MIGA2: variants seen among roughly 807,000 people sequenced by gnomAD.
The protein encoded by MIGA2 is family with sequence similarity 73, member B.
Under a neutral mutation model 69.9 loss-of-function variants are expected in MIGA2, and 36 were observed. The ratio of observed to expected loss-of-function variants is 0.52; its 90% CI spans 0.39 to 0.68. The LOEUF is 0.68. MIGA2 is among the 30% of genes least tolerant of loss of function. The probability of loss-of-function intolerance (pLI) is 0.00; values close to 1 mark genes in which losing one functional copy is unlikely to be tolerated. For missense variants in MIGA2, 660 were observed against 787.7 expected (o/e 0.84, Z 1.94); for synonymous variants, 333 against 349.2 (o/e 0.95, Z 0.52).
At chr9:129,046,262 G>A (rs906466166) in intron 3 of MIGA2, among the ~76,000 whole-genome samples, 6 of 152,102 alleles carry the variant, frequency 3.9e-5, no homozygotes, top group East Asian at 1.9e-4. Context: ...TCTGCACAGC[G>A]TTTAGCTTCT....
chr9:129,040,383 T>C (rs1844833093), intron 1 of MIGA2, 69 bp from the exon 2 acceptor site: 3 of 1,191,114 alleles, frequency 2.5e-6, no homozygotes, highest in Non-Finnish European at 3.3e-6. Context: ...ATGGACGCTC[T>C]TCTTGAGTGC....
intron 3 of MIGA2, among the ~76,000 whole-genome samples, chr9:129,047,665 G>A (rs912363978): frequency 8.0e-5 from 12 of 150,748 alleles, no homozygotes; most frequent in Admixed American, 1.3e-4. Flanking sequence ...CACCCACCTC[G>A]GCCTCCCAAA....
rs955300876 is a variant in MIGA2 at position 129,061,291 on chromosome 9, T to C, written c.955T>C (p.Tyr319His). The stretch of plus-strand genomic sequence containing the variant: ...CCCACTCTCCAGACCCGCCGCTGCC[T>C]ATGAGGAGGCCCTGCAGCTGGTGAA... ...PIPLSRPAAA[Y>H]EEALQLVKEG... is the part of the protein sequence containing the mutation. The change falls in exon 9 of 16, where the codon TAT (tyrosine) becomes CAT (histidine). Residue 319 changes from tyrosine to histidine, a missense_variant. This residue lies in a region of MIGA2 where 386 missense variants were observed against 402.0 expected (regional missense o/e 0.96). Transcript: ENST00000684074. This position sits in a 1 kb window ranked among gnomAD's most constrained non-coding sequence, Gnocchi z 5.0. 2 of 1,613,014 alleles carry C rather than the reference T, an allele frequency of 1.2e-6. No homozygotes were observed. The highest frequency in any genetic ancestry group is 2.7e-5 in the African/African-American group (2 of 74,884).
At chr9:129,065,414 C>T (rs918918021) in intron 11 of MIGA2, among the ~76,000 whole-genome samples, 11 of 151,672 alleles carry the variant, frequency 7.3e-5, no homozygotes, top group African/African-American at 1.7e-4. Context: ...GGTGCGATCT[C>T]GACCCACTGC....
intron 3 of MIGA2, among the ~76,000 whole-genome samples, chr9:129,043,164 AGCCTGGGT>A (rs1845011590): frequency 6.6e-6 from 1 of 151,864 alleles, no homozygotes; most frequent in Non-Finnish European, 1.5e-5. Context: ...ACTGCACTCC[AGCCTGGGT>A]GACAGAGCGA....
intron 9 of MIGA2, among the ~76,000 whole-genome samples, chr9:129,062,302 G>A (rs572728010): frequency 3.3e-4 from 50 of 151,706 alleles, no homozygotes; most frequent in African/African-American, 1.1e-3. Flanking sequence ...AGGCCAAGGC[G>A]GGCAGATCAC....
At position 129,068,035 on chromosome 9, in the gene MIGA2, G is replaced by A; in HGVS notation, c.1270-163G>A. The A allele has an allele frequency of 7.9e-7, 1 of 1,266,234 alleles. No homozygotes were observed. Among genetic ancestry groups the A allele is most frequent in the Non-Finnish European group, 1.1e-6 (1 of 888,590 alleles). 78.4% of individuals were successfully genotyped at this position (1,266,234 alleles called of 1,614,324 possible). A position where few individuals can be genotyped will look rare whatever the true frequency, so the allele number is the denominator to read the frequency against. On this transcript the variant is annotated intron_variant, in intron 12 of 15. Transcript: ENST00000684074. This position sits in a 1 kb window ranked among gnomAD's most constrained non-coding sequence, Gnocchi z 4.1. The stretch of plus-strand genomic sequence containing the variant: ...CTGCCCCAGGCCAAGGCAGAGGGAG[G>A]AATGGCCTCAGCTACACCCGTTGCA...
At position 129,059,224 on chromosome 9, in the gene MIGA2, A is replaced by C. The variant is rs761071373; in HGVS notation, c.746A>C (p.Glu249Ala). The C allele has an allele frequency of 6.2e-7, 1 of 1,605,478 alleles. No homozygotes were observed. Among genetic ancestry groups the C allele is most frequent in the Non-Finnish European group, 8.5e-7 (1 of 1,175,556 alleles). ...CTGCACCGTGCCTACCACCTGCAGG[A>C]GGAGTTCGGCTCCACCTTCCCCGCA... ...SLLHRAYHLQ[E>A]EFGSTFPADS... The change falls in exon 7 of 16, where the codon GAG becomes GCG. Residue 249 changes from glutamate (E) to alanine (A), a missense_variant. By Grantham distance (107) the Glu-to-Ala change is moderately radical. Coordinates refer to ENST00000684074, the MANE Select transcript of MIGA2 (RefSeq NM_001329990.2). The surrounding 1 kb of genome is among the most constrained non-coding windows in gnomAD (Gnocchi z 5.6).
Position 129,070,552 on chromosome 9 carries a change from T to A in MIGA2, c.*99T>A. On this transcript the variant is annotated 3_prime_UTR_variant, in exon 16 of 16. Transcript: ENST00000684074. ...GTGGCTGAGGGCCGTTGCCCCTGAC[T>A]TTGCCCCACCCCCATCATCTGGGAG... 7.6e-7 allele frequency: 1 copy of A among 1,317,328 alleles called. No individual in the cohort carries two copies. The highest frequency in any genetic ancestry group is 1.0e-6 in the Non-Finnish European group (1 of 989,518). 81.6% of individuals were successfully genotyped at this position (1,317,328 alleles called of 1,614,324 possible).
intron 6 of MIGA2, among the ~76,000 whole-genome samples, 173 bp downstream of exon 6, chr9:129,050,136 T>C (rs1361862466): frequency 2.6e-5 from 4 of 152,240 alleles, no homozygotes; most frequent in Admixed American, 2.0e-4. Flanking sequence ...CTCAGCACAA[T>C]GCCCGGCGCT....
chr9:129,050,091 G>A, intron 6 of MIGA2, 128 bp downstream of exon 6: 1 of 1,256,788 alleles, frequency 8.0e-7, no homozygotes, highest in South Asian at 1.5e-5. Flanking sequence ...CTATGAGGGT[G>A]TCTTGATGTG....
intron 2 of MIGA2, among the ~76,000 whole-genome samples, chr9:129,041,915 A>C (rs556163887): frequency 6.6e-6 from 1 of 152,200 alleles, no homozygotes; most frequent in South Asian, 2.1e-4. Flanking sequence ...TGTCACCTTG[A>C]GTATATGTCT....
chr9:129,040,799 C>T, intron 2 of MIGA2, 109 bp downstream of exon 2: 1 of 914,640 alleles, frequency 1.1e-6, no homozygotes. Context: ...TTTGCCAAAC[C>T]TCTGGTGTCT....
At chr9:129,039,215 GTGTGTTTTA>G (rs1399802077) in intron 1 of MIGA2, among the ~76,000 whole-genome samples, 12 of 139,804 alleles carry the variant, frequency 8.6e-5, no homozygotes, top group East Asian at 4.2e-4. Context: ...GTGTGTGTGT[GTGTGTTTTA>G]TTTTATTTTA....
intron 6 of MIGA2, among the ~76,000 whole-genome samples, chr9:129,055,917 G>A (rs902057678): frequency 6.6e-6 from 1 of 151,760 alleles, no homozygotes; most frequent in African/African-American, 2.4e-5. Context: ...AGGAGACCAA[G>A]GTGGGAGGAT....
rs1442474419 is a variant in MIGA2 at position 129,069,822 on chromosome 9, G to A, written c.1459-27G>A. On this transcript the variant is annotated intron_variant, in intron 14 of 15. Coordinates refer to ENST00000684074, the MANE Select transcript of MIGA2 (RefSeq NM_001329990.2). The surrounding 1 kb of genome is among the most constrained non-coding windows in gnomAD (Gnocchi z 4.9). The stretch of plus-strand genomic sequence containing the variant: ...CCCTCATCCTACCTGGGCCCCGCCT[G>A]GCCCCTCAGCCTTGTGCCCACCGCA... The A allele has an allele frequency of 1.3e-6, 2 of 1,547,440 alleles. No homozygotes were observed. Among genetic ancestry groups the A allele is most frequent in the East Asian group, 2.2e-5 (1 of 44,576 alleles).
At position 129,070,384 on chromosome 9, in the gene MIGA2, C is replaced by T. The variant is rs375061896; in HGVS notation, c.1713C>T (p.Pro571=). The T allele has an allele frequency of 1.7e-5, 28 of 1,612,032 alleles. No individual in the cohort carries two copies. The highest frequency in any genetic ancestry group is 1.2e-4 in the South Asian group (11 of 90,964). ...TATTGCTGGGGTACCTGGGGGTGCC[C>T]GCGGCCAGCAGCGCAGGCGTGAATG... ...SEILLGYLGV[P]AASSAGVNGA... The change falls in exon 16 of 16, where the codon CCC becomes CCT. Residue 571 remains proline, a synonymous_variant. Transcript: ENST00000684074.
intron 6 of MIGA2, among the ~76,000 whole-genome samples, chr9:129,053,191 G>A (rs759629815): frequency 7.9e-5 from 12 of 152,092 alleles, no homozygotes; most frequent in Non-Finnish European, 1.3e-4. Flanking sequence ...CTGTGGGGGC[G>A]CCAGCACCAG....
At position 129,068,304 on chromosome 9, in the gene MIGA2, G is replaced by A. The variant is rs143715379; in HGVS notation, c.1376G>A (p.Arg459His). Residue 459 changes from arginine to histidine, a missense_variant, in exon 13 of 16, where the codon CGC becomes CAC. Coordinates refer to ENST00000684074, the MANE Select transcript of MIGA2 (RefSeq NM_001329990.2). The surrounding 1 kb of genome is among the most constrained non-coding windows in gnomAD (Gnocchi z 4.1). ...PASVLAVLRN[R>H]WLSDSFKETA... Reference sequence around the variant, plus strand: ...TCGGTGCTCGCCGTCCTGCGGAACCGCTGGCTGTCAGACAGCTTCAAGGAG... The same window carrying A: ...TCGGTGCTCGCCGTCCTGCGGAACCACTGGCTGTCAGACAGCTTCAAGGAG... The A allele has an allele frequency of 5.0e-6, 8 of 1,608,090 alleles. No homozygotes were observed. The highest frequency in any genetic ancestry group is 2.2e-5 in the East Asian group (1 of 44,804).
Sources: allele counts gnomAD v4.1 joint callset (sites outside exome capture counted in the v4.1 genomes callset), GRCh38; gene constraint gnomAD v4.1.1; regional missense constraint gnomAD v4.1.1; non-coding constraint Gnocchi (gnomAD v3.1); transcripts MANE v1.5; gene names NCBI Gene and HGNC (gene_info 2026-07-23, HGNC 2026-07-21).